The following SMARCC1 variants were observed in gnomAD, a reference collection of about 807,000 sequenced individuals.
SMARCC1 encodes the protein SWI/SNF related BAF chromatin remodeling complex subunit C1.
In SMARCC1, 43 loss-of-function variants were observed where a neutral mutation model predicts 147.4. The observed-to-expected ratio is 0.29, with a 90% CI of 0.23 to 0.38. The LOEUF (loss-of-function observed/expected upper bound fraction) is 0.38, where lower values mean the gene tolerates loss of function less well. SMARCC1 is among the 10% of genes least tolerant of loss of function. The probability of loss-of-function intolerance (pLI) is 1.00; values close to 1 mark genes in which losing one functional copy is unlikely to be tolerated. For missense variants in SMARCC1, 1,119 were observed against 1,381.1 expected, an observed-to-expected ratio of 0.81 and a Z score of 3.01; for synonymous variants, 495 against 484.4, an observed-to-expected ratio of 1.02 and a Z score of -0.29.
Position 47,610,722 on chromosome 3 carries a change from T to C in SMARCC1, c.2782-395A>G. 1.3e-5 allele frequency: 3 copies of C among 222,490 alleles called. 1 individual carries two copies. In the South Asian group the frequency reaches 2.3e-4, roughly 17 times the overall value. The allele number at this position is 222,490 out of a possible 1,614,324, so 13.8% of individuals were successfully genotyped here. A position where few individuals can be genotyped will look rare whatever the true frequency, so the allele number is the denominator to read the frequency against. ...GAGCCTCTCTTGTCCTTGTAATAGTTCCTCAGATGTTAACATTTCAAGTTC... is the reference window on the plus strand; with the variant it reads ...GAGCCTCTCTTGTCCTTGTAATAGTCCCTCAGATGTTAACATTTCAAGTTC... On this transcript the variant is annotated intron_variant, in intron 25 of 27. Transcript: ENST00000254480.
chr3:47,749,742 G>C (rs907664767), intron 2 of SMARCC1, among the ~76,000 whole-genome samples: 5 of 140,804 alleles, frequency 3.6e-5, no homozygotes, highest in Admixed American at 7.2e-5. Flanking sequence ...GAGACAGAGA[G>C]AGAGAGAGAG....
intron 9 of SMARCC1, among the ~76,000 whole-genome samples, chr3:47,707,558 ATAAG>A (rs1470082342): frequency 2.6e-5 from 4 of 152,126 alleles, no homozygotes; most frequent in South Asian, 4.1e-4. Flanking sequence ...CATCAGAGGC[ATAAG>A]TAAATAATCT....
At position 47,678,223 on chromosome 3, in the gene SMARCC1, T is replaced by A. The variant is rs533936463; in HGVS notation, c.1546A>T (p.Thr516Ser). ...LTSTACRRNL[T>S]GDVCAVMRVH... ...CTCATCACAGCACACACATCTCCAG[T>A]CAAGTTCCTCCGACAAGCAGTGCTA... The change falls in exon 16 of 28, where the codon ACT (threonine) becomes TCT (serine). Residue 516 changes from threonine to serine, a missense_variant. By Grantham distance (58) the Thr-to-Ser change is moderately conservative. Coordinates refer to ENST00000254480, the MANE Select transcript of SMARCC1 (RefSeq NM_003074.4). 2 of 1,607,186 alleles carry A rather than the reference T, an allele frequency of 1.2e-6. No individual in the cohort carries two copies. Among genetic ancestry groups the A allele is most frequent in the African/African-American group, 2.7e-5 (2 of 74,762 alleles).
At position 47,653,510 on chromosome 3, in the gene SMARCC1, A is replaced by G. The variant is rs12053999; in HGVS notation, c.2320+7784T>C. ...CTATTATCTTGCTAAGTAAAATCCT[A>G]TATCACTCGGTTTCAAATCAGTGTG... is the stretch of plus-strand genomic sequence containing the variant. On this transcript the variant is annotated intron_variant, in intron 21 of 27. Coordinates refer to ENST00000254480, the MANE Select transcript of SMARCC1 (RefSeq NM_003074.4). Among the ~76,000 whole-genome samples the G allele has an allele frequency of 7.9e-5, 12 of 152,314 alleles. No individual in the cohort carries two copies. The East Asian group carries it at 1.3e-3, about 17-fold the overall frequency.
intron 6 of SMARCC1, among the ~76,000 whole-genome samples, chr3:47,721,495 G>A (rs531906028): frequency 2.7e-4 from 41 of 152,162 alleles, no homozygotes; most frequent in Admixed American, 5.9e-4. Flanking sequence ...GAAAATGGAC[G>A]CCTAATAGTA....
At chr3:47,728,441 T>C (rs2034327132) in intron 6 of SMARCC1, among the ~76,000 whole-genome samples, 1 of 152,170 alleles carries the variant, frequency 6.6e-6, no homozygotes, top group Non-Finnish European at 1.5e-5. Flanking sequence ...AATGTGTACT[T>C]TCTACATCAT....
intron 10 of SMARCC1, among the ~76,000 whole-genome samples, chr3:47,705,615 A>C (rs1302228297): frequency 6.6e-6 from 1 of 152,186 alleles, no homozygotes; most frequent in Non-Finnish European, 1.5e-5. Context: ...GGTAGAGAGG[A>C]AAGTCTATAT....
intron 21 of SMARCC1, 46 bp downstream of exon 21, chr3:47,661,248 T>C (rs372190348): frequency 2.0e-5 from 31 of 1,512,706 alleles, no homozygotes; most frequent in Non-Finnish European, 2.4e-5. Flanking sequence ...CTGACAGGAA[T>C]ACAAACATAT....
intron 14 of SMARCC1, among the ~76,000 whole-genome samples, chr3:47,682,758 A>T (rs1300846198): frequency 6.6e-6 from 1 of 152,250 alleles, no homozygotes; most frequent in Non-Finnish European, 1.5e-5. Flanking sequence ...TCATATATTA[A>T]TAATTGTTTA....
chr3:47,763,978 C>T (rs1447596370), intron 2 of SMARCC1, among the ~76,000 whole-genome samples: 1 of 151,848 alleles, frequency 6.6e-6, no homozygotes, highest in Non-Finnish European at 1.5e-5. Context: ...CTCAGCCACC[C>T]AAAATGCTAA....
chr3:47,659,772 C>CA, intron 21 of SMARCC1, among the ~76,000 whole-genome samples: 1 of 43,916 alleles, frequency 2.3e-5, no homozygotes, highest in Non-Finnish European at 4.3e-5. Context: ...GGGGGGGGGG[C>CA]AAGAATCTGA....
Position 47,586,805 on chromosome 3 carries a change from A to G in SMARCC1, c.*1404T>C, listed in dbSNP as rs1169252620. 6.6e-6 allele frequency: 1 copy of G among 152,612 alleles called. No homozygotes were observed. The highest frequency in any genetic ancestry group is 1.9e-4 in the East Asian group (1 of 5,192). The allele number at this position is 152,612 out of a possible 1,614,324, so 9.5% of individuals were successfully genotyped here. ...AAAAACACCCTTTCCCCACACATGG[A>G]AGGACAGAAGGGAGGGAAGGACAAG... On this transcript the variant is annotated 3_prime_UTR_variant, in exon 28 of 28. Coordinates refer to ENST00000254480, the MANE Select transcript of SMARCC1 (RefSeq NM_003074.4).
intron 27 of SMARCC1, 50 bp downstream of exon 27, chr3:47,590,611 C>T: frequency 7.0e-7 from 1 of 1,425,254 alleles, no homozygotes; most frequent in Non-Finnish European, 9.3e-7. Flanking sequence ...TTATCTACAG[C>T]CCTCCAGAAC....
At chr3:47,648,719 T>G (rs908103137) in intron 21 of SMARCC1, among the ~76,000 whole-genome samples, 1 of 152,088 alleles carries the variant, frequency 6.6e-6, no homozygotes, top group Non-Finnish European at 1.5e-5. Flanking sequence ...TTATAGCCCT[T>G]CCTGTGTAGA....
At chr3:47,671,196 A>AAACAAAAAAAAAC (rs1553682000) in intron 18 of SMARCC1, among the ~76,000 whole-genome samples, 2 of 81,144 alleles carry the variant, frequency 2.5e-5, no homozygotes. Context: ...AAAAAAAAAA[A>AAACAAAAAAAAAC]AACACACACA....
Position 47,678,205 on chromosome 3 carries a change from C to T in SMARCC1, c.1564G>A (p.Val522Met). ...AAAAGTCAAACAGTTTACCTCATCA[C>T]AGCACACACATCTCCAGTCAAGTTC... ...RRNLTGDVCA[V>M]MRVHAFLEQW... The change falls in exon 16 of 28, where the codon GTG becomes ATG. Residue 522 changes from valine to methionine, a missense_variant. Val to Met is a conservative substitution (Grantham distance 21). Coordinates refer to ENST00000254480, the MANE Select transcript of SMARCC1 (RefSeq NM_003074.4). 6.3e-7 allele frequency: 1 copy of T among 1,590,306 alleles called. No individual in the cohort carries two copies. Among genetic ancestry groups the T allele is most frequent in the Non-Finnish European group, 8.6e-7 (1 of 1,162,372 alleles).
chr3:47,663,669 C>T, intron 19 of SMARCC1: 1 of 1,497,888 alleles, frequency 6.7e-7, no homozygotes, highest in East Asian at 2.3e-5. Context: ...TCGAAGCCCC[C>T]AGTCATTGAG....
chr3:47,650,706 C>T (rs2033179326), intron 21 of SMARCC1, among the ~76,000 whole-genome samples: 1 of 151,870 alleles, frequency 6.6e-6, no homozygotes, highest in South Asian at 2.1e-4. Context: ...GTCCCAGATA[C>T]TCGGAGGCAG....
intron 2 of SMARCC1, among the ~76,000 whole-genome samples, chr3:47,756,549 A>T (rs1165219149): frequency 6.6e-6 from 1 of 151,790 alleles, no homozygotes; most frequent in Non-Finnish European, 1.5e-5. Context: ...AAAAAAAAAA[A>T]AAAAAAGGCA....
Sources: allele counts gnomAD v4.1 joint callset (sites outside exome capture counted in the v4.1 genomes callset), GRCh38; gene constraint gnomAD v4.1.1; transcripts MANE v1.5; gene names NCBI Gene and HGNC (gene_info 2026-07-23, HGNC 2026-07-21).